The following ARID4B variants were observed in gnomAD, a reference collection of about 807,000 sequenced individuals.
The protein encoded by ARID4B is AT-rich interaction domain 4B, also known as AT-rich interactive domain-containing protein 4B.
In ARID4B, 26 loss-of-function variants were observed where a neutral mutation model predicts 147.5. That is an observed-to-expected ratio of 0.18 (90% CI 0.13 to 0.24). The LOEUF (loss-of-function observed/expected upper bound fraction) is 0.24, where lower values mean the gene tolerates loss of function less well. Among genes scored for constraint, ARID4B ranks in the 10% least tolerant of loss-of-function variants. The pLI is 1.00. For synonymous variants in ARID4B, 512 were observed against 507.9 expected (o/e 1.01, Z -0.11); for missense variants, 1,179 against 1,511.5 (o/e 0.78, Z 3.65).
At chr1:235,302,334 G>T in intron 2 of ARID4B, among the ~76,000 whole-genome samples, 1 of 136,954 alleles carries the variant, frequency 7.3e-6, no homozygotes, top group Non-Finnish European at 1.6e-5. Context: ...GGAGGGGAAA[G>T]GAGGGGAGGG....
intron 22 of ARID4B, 142 bp downstream of exon 22, chr1:235,175,042 G>T (rs887705621): frequency 1.4e-6 from 1 of 713,578 alleles, no homozygotes; most frequent in Non-Finnish European, 2.3e-6. Context: ...GGAGGCTGAA[G>T]ATTACAGTGA....
At chr1:235,255,220 T>TATATATATATATATAGAGAGAGAGAG (rs1264196304) in intron 5 of ARID4B, among the ~76,000 whole-genome samples, 2,184 of 62,020 alleles carry the variant, frequency 0.035, 40 homozygotes, top group Non-Finnish European at 0.044. Flanking sequence ...TGCTGGGAGC[T>TATATATATATATATAGAGAGAGAGAG]AGATAGATAG....
At chr1:235,289,897 G>A (rs559329539) in intron 2 of ARID4B, among the ~76,000 whole-genome samples, 5 of 151,800 alleles carry the variant, frequency 3.3e-5, no homozygotes, top group East Asian at 3.9e-4. Context: ...ACAATTTTTC[G>A]CACGCATCCA....
intron 2 of ARID4B, among the ~76,000 whole-genome samples, chr1:235,273,373 T>C (rs2103152228): frequency 6.6e-6 from 1 of 152,314 alleles, no homozygotes; most frequent in East Asian, 1.9e-4. Flanking sequence ...TTAAAAAAAG[T>C]AAATTATCTC....
intron 2 of ARID4B, among the ~76,000 whole-genome samples, chr1:235,283,997 A>C (rs80152033): frequency 1.6e-4 from 25 of 151,522 alleles, no homozygotes; most frequent in African/African-American, 5.1e-4. Context: ...TCGGCCTCCC[A>C]AAGTGTTAGG....
At chr1:235,245,205 T>G (rs1011295809) in intron 7 of ARID4B, among the ~76,000 whole-genome samples, 1 of 152,218 alleles carries the variant, frequency 6.6e-6, no homozygotes, top group Non-Finnish European at 1.5e-5. Flanking sequence ...CTTAGAATGT[T>G]TGCTGGAGTC....
In ARID4B at chr1:235,213,934, T is replaced by A; in HGVS notation, c.1676A>T (p.Asp559Val). The A allele has an allele frequency of 1.2e-6, 2 of 1,612,372 alleles. No homozygotes were observed. Among genetic ancestry groups the A allele is most frequent in the Non-Finnish European group, 1.7e-6 (2 of 1,178,574 alleles). The change falls in exon 17 of 24, where the codon GAC becomes GTC. Residue 559 changes from aspartate (D) to valine (V), a missense_variant. Around this residue, in one of 10 missense-constraint regions of ARID4B, gnomAD observed 204 missense variants for 210.9 expected, o/e 0.97. Transcript: ENST00000264183. ...CTCAAACTCCTCTTCCTCATTGTTG[T>A]CATCATCATCTTCATCCTCTTCTTC... ...EEEEEDEDDD[D>V]NNEEEEFECY...
intron 2 of ARID4B, among the ~76,000 whole-genome samples, chr1:235,288,592 A>C (rs1236475933): frequency 6.6e-6 from 1 of 152,190 alleles, no homozygotes; most frequent in Non-Finnish European, 1.5e-5. Context: ...CCATTGTAGG[A>C]ATTTGCCATG....
chr1:235,216,797 AT>A (rs34202776), intron 16 of ARID4B, among the ~76,000 whole-genome samples: 70,655 of 151,450 alleles, frequency 0.47, 16,796 homozygotes, highest in South Asian at 0.6. Flanking sequence ...AATTAAAACA[AT>A]TTTTTTTTGA....
At chr1:235,321,439 A>G (rs1397206774) in intron 2 of ARID4B, among the ~76,000 whole-genome samples, 1 of 152,126 alleles carries the variant, frequency 6.6e-6, no homozygotes, top group Non-Finnish European at 1.5e-5. Flanking sequence ...AATGACAGTA[A>G]CATCTATCTA....
chr1:235,234,631 C>A (rs555589830), intron 8 of ARID4B, 139 bp from the exon 9 acceptor site: 2 of 582,886 alleles, frequency 3.4e-6, no homozygotes, highest in Non-Finnish European at 3.1e-6. Context: ...GGCACACACA[C>A]ACACGTGGGA....
chr1:235,266,561 T>A (rs1167701639), intron 2 of ARID4B, among the ~76,000 whole-genome samples: 12 of 152,178 alleles, frequency 7.9e-5, no homozygotes, highest in African/African-American at 2.9e-4. Flanking sequence ...TCCTAGCCAG[T>A]CTACGAAATG....
Position 235,175,276 on chromosome 1 carries a change from G to A in ARID4B, c.3572C>T (p.Pro1191Leu). 1 of 1,614,136 alleles carries A rather than the reference G, an allele frequency of 6.2e-7. No homozygotes were observed. Among genetic ancestry groups the A allele is most frequent in the Non-Finnish European group, 8.5e-7 (1 of 1,180,018 alleles). The change falls in exon 22 of 24, where the codon CCA becomes CTA. Residue 1191 changes from proline (P) to leucine (L), a missense_variant. Pro to Leu is a moderately conservative substitution (Grantham distance 98). This residue lies in a region of ARID4B where 357 missense variants were observed against 427.3 expected (regional missense o/e 0.84). Transcript: ENST00000264183. ...STKSPARTQS[P>L]GKCGKNGDKD... The stretch of plus-strand genomic sequence containing the variant: ...ATCACCATTCTTTCCACATTTTCCT[G>A]GAGACTGCGTCCTTGCGGGAGATTT...
intron 5 of ARID4B, among the ~76,000 whole-genome samples, chr1:235,255,220 T>TATATATATATATAGAGAGAGAGAGAGAG (rs1264196304): frequency 3.2e-5 from 2 of 62,392 alleles, no homozygotes; most frequent in African/African-American, 9.1e-5. Flanking sequence ...TGCTGGGAGC[T>TATATATATATATAGAGAGAGAGAGAGAG]AGATAGATAG....
At chr1:235,243,939 ATCT>A (rs1669144502) in intron 7 of ARID4B, among the ~76,000 whole-genome samples, 2 of 152,184 alleles carry the variant, frequency 1.3e-5, no homozygotes, top group South Asian at 4.1e-4. Context: ...AAATAAAAAG[ATCT>A]TCTGGAATTA....
chr1:235,313,136 C>T (rs1048107207), intron 2 of ARID4B, among the ~76,000 whole-genome samples: 4 of 152,078 alleles, frequency 2.6e-5, no homozygotes, highest in Admixed American at 2.0e-4. Context: ...TTCCACTTCC[C>T]GGGTTCAAGA....
intron 7 of ARID4B, among the ~76,000 whole-genome samples, chr1:235,242,969 TTTAC>T: frequency 6.6e-6 from 1 of 152,284 alleles, no homozygotes; most frequent in South Asian, 2.1e-4. Flanking sequence ...TACTATATAA[TTTAC>T]TTATTTCTTA....
intron 2 of ARID4B, among the ~76,000 whole-genome samples, chr1:235,281,382 C>G (rs1171777526): frequency 6.6e-6 from 1 of 152,130 alleles, no homozygotes; most frequent in African/African-American, 2.4e-5. Flanking sequence ...GAAACCCTGT[C>G]TCTACTAAAA....
At chr1:235,218,910 A>C (rs1300090312) in intron 16 of ARID4B, among the ~76,000 whole-genome samples, 2 of 141,018 alleles carry the variant, frequency 1.4e-5, no homozygotes, top group South Asian at 4.7e-4. Context: ...CGATCCCCCA[A>C]GCTGGCCTAC....
Sources: allele counts gnomAD v4.1 joint callset (sites outside exome capture counted in the v4.1 genomes callset), GRCh38; gene constraint gnomAD v4.1.1; regional missense constraint gnomAD v4.1.1; transcripts MANE v1.5; gene names NCBI Gene and HGNC (gene_info 2026-07-23, HGNC 2026-07-21).